The following ADK variants were observed in gnomAD, a reference collection of about 807,000 sequenced individuals.
ADK encodes N6,N6-dimethyladenosine kinase.
ADK carries 24 observed loss-of-function variants against 44.7 expected under a neutral mutation model. The observed-to-expected ratio is 0.54, with a 90% CI of 0.39 to 0.76. The LOEUF (loss-of-function observed/expected upper bound fraction) is 0.76. Ranked by LOEUF, ADK falls within the 30% of genes least tolerant of loss-of-function variation. ADK has a pLI of 0.00. For synonymous variants in ADK, 128 were observed against 142.6 expected (o/e 0.90, Z 0.73); for missense variants, 321 against 425.1 (o/e 0.76, Z 2.15).
chr10:74,226,123 T>G (rs540839370), intron 3 of ADK, among the ~76,000 whole-genome samples: 37 of 152,310 alleles, frequency 2.4e-4, no homozygotes, highest in African/African-American at 8.9e-4. Flanking sequence ...TTTTTGTTTT[T>G]TTGAGACAGA....
At chr10:74,316,037 A>G (rs1840606356) in intron 4 of ADK, among the ~76,000 whole-genome samples, 1 of 152,166 alleles carries the variant, frequency 6.6e-6, no homozygotes, top group African/African-American at 2.4e-5. Context: ...CAGGAGATCC[A>G]GATCAGCCTG....
intron 1 of ADK, among the ~76,000 whole-genome samples, chr10:74,185,443 A>G (rs1842710932): frequency 6.6e-6 from 1 of 152,048 alleles, no homozygotes; most frequent in South Asian, 2.1e-4. Flanking sequence ...TAGAATACAT[A>G]TGGAAGGATT....
At chr10:74,627,580 T>C (rs1169228036) in intron 9 of ADK, among the ~76,000 whole-genome samples, 1 of 151,638 alleles carries the variant, frequency 6.6e-6, no homozygotes, top group African/African-American at 2.4e-5. Context: ...TTTTAAGTAC[T>C]AAGAGTGTTT....
intron 6 of ADK, among the ~76,000 whole-genome samples, chr10:74,418,412 T>G (rs1701568242): frequency 6.6e-6 from 1 of 152,160 alleles, no homozygotes; most frequent in South Asian, 2.1e-4. Flanking sequence ...CCAGTCTAGC[T>G]GCAGCAGCCC....
chr10:74,185,521 A>ATTTT lies in ADK; in HGVS notation c.66-15231_66-15228dup, dbSNP rs11368451. On this transcript the variant is annotated intron_variant, in intron 1 of 10. Coordinates refer to ENST00000539909, the MANE Select transcript of ADK (RefSeq NM_006721.4). ...TTTAAAAAAAAATGCCAACAATATA[A>ATTTT]TTTTTTTTTTTTTTTGAAGCAGAGT... Among the ~76,000 whole-genome samples, 36 of 144,808 alleles carry ATTTT rather than the reference A, an allele frequency of 2.5e-4. 2 individuals are homozygous for ATTTT. The highest frequency in any genetic ancestry group is 4.3e-4 in the African/African-American group (17 of 39,132). 95.0% of individuals were successfully genotyped at this position (144,808 alleles called of 152,430 possible). A position where few individuals can be genotyped will look rare whatever the true frequency, so the allele number is the denominator to read the frequency against.
chr10:74,284,452 C>T (rs1003624795), intron 3 of ADK, among the ~76,000 whole-genome samples: 26 of 152,214 alleles, frequency 1.7e-4, no homozygotes, highest in African/African-American at 5.3e-4. Flanking sequence ...TTAGTAGAGA[C>T]GGGGTTTCTC....
chr10:74,471,664 G>C (rs1846596117), intron 6 of ADK, among the ~76,000 whole-genome samples: 1 of 152,004 alleles, frequency 6.6e-6, no homozygotes, highest in Non-Finnish European at 1.5e-5. Flanking sequence ...TCATTTATTG[G>C]TGTCTTCTTT....
chr10:74,202,984 T>G (rs941447692), intron 2 of ADK, among the ~76,000 whole-genome samples: 2 of 152,264 alleles, frequency 1.3e-5, no homozygotes, highest in East Asian at 3.8e-4. Flanking sequence ...TTTCTTTTGT[T>G]GCTTATGCTT....
chr10:74,655,505 G>C (rs1434652482), intron 9 of ADK: 6 of 491,180 alleles, frequency 1.2e-5, no homozygotes, highest in Middle Eastern at 5.2e-4. Context: ...GGCTCACTCA[G>C]GGTGGCTTTT....
At chr10:74,698,496 T>C (rs560972186) in intron 10 of ADK, among the ~76,000 whole-genome samples, 1 of 152,376 alleles carries the variant, frequency 6.6e-6, no homozygotes, top group East Asian at 1.9e-4. Context: ...ATTTAATATT[T>C]TGCTTTTTGG....
chr10:74,508,407 T>A (rs1396576023), intron 6 of ADK: 3 of 152,216 alleles, frequency 2.0e-5, no homozygotes, highest in African/African-American at 7.2e-5. Flanking sequence ...TCTAACTTTC[T>A]TGTTATTTCT....
intron 4 of ADK, among the ~76,000 whole-genome samples, chr10:74,373,058 T>C (rs1315084544): frequency 6.6e-6 from 1 of 151,930 alleles, no homozygotes; most frequent in African/African-American, 2.4e-5. Context: ...TTTCTATAAG[T>C]GTGCCATGGC....
chr10:74,504,246 G>A (rs1349966902), intron 6 of ADK, among the ~76,000 whole-genome samples: 2 of 150,914 alleles, frequency 1.3e-5, no homozygotes, highest in African/African-American at 4.9e-5. Flanking sequence ...TTTTTAATAT[G>A]TACCTCCTGA....
intron 3 of ADK, among the ~76,000 whole-genome samples, chr10:74,230,717 C>G (rs533355999): frequency 6.7e-6 from 1 of 149,398 alleles, no homozygotes; most frequent in East Asian, 2.0e-4. Context: ...GAGTCTCACT[C>G]TGTTGCCAGG....
At chr10:74,471,222 C>CT (rs904565982) in intron 6 of ADK, among the ~76,000 whole-genome samples, 77 of 152,084 alleles carry the variant, frequency 5.1e-4, no homozygotes, top group African/African-American at 1.7e-3. Context: ...CTACAAGCAC[C>CT]TGCCACCACG....
At chr10:74,193,856 A>G (rs1330491018) in intron 1 of ADK, among the ~76,000 whole-genome samples, 1 of 152,204 alleles carries the variant, frequency 6.6e-6, no homozygotes, top group Admixed American at 6.5e-5. Context: ...CATTGGGAAT[A>G]CAAATGTAAA....
intron 9 of ADK, among the ~76,000 whole-genome samples, chr10:74,646,924 T>G (rs1589329740): frequency 6.6e-6 from 1 of 152,320 alleles, no homozygotes; most frequent in East Asian, 1.9e-4. Flanking sequence ...ACATTTTTAC[T>G]TAAATCCATT....
intron 3 of ADK, among the ~76,000 whole-genome samples, chr10:74,257,695 G>A (rs1845878532): frequency 6.6e-6 from 1 of 152,060 alleles, no homozygotes. Context: ...ATATATGCTT[G>A]AAATTATTAT....
intron 6 of ADK, among the ~76,000 whole-genome samples, chr10:74,426,100 G>A (rs1046326124): frequency 3.9e-5 from 6 of 151,988 alleles, no homozygotes; most frequent in African/African-American, 1.4e-4. Flanking sequence ...GTGCATGTAT[G>A]TCTCTATACA....
Sources: gnomAD v4.1 joint callset for allele counts (sites outside exome capture counted in the v4.1 genomes callset) on GRCh38, gnomAD v4.1.1 for gene constraint, MANE v1.5 for transcripts, NCBI Gene and HGNC (gene_info 2026-07-23, HGNC 2026-07-21) for gene names.